Variants in NKAIN3 observed in about 807,000 individuals in gnomAD.
NKAIN3 encodes the protein sodium/potassium-transporting ATPase subunit beta-1-interacting protein 3.
In NKAIN3, 25 loss-of-function variants were observed where a neutral mutation model predicts 30.2. The ratio of observed to expected loss-of-function variants is 0.83; its 90% confidence interval spans 0.60 to 1.16. The LOEUF is 1.16. Ranked by LOEUF, NKAIN3 falls within the 50% of genes most tolerant of loss-of-function variation. The pLI is 0.00. For synonymous variants in NKAIN3, 91 were observed against 89.6 expected, an observed-to-expected ratio of 1.02 and a Z score of -0.09; for missense variants, 225 against 254.1, an observed-to-expected ratio of 0.89 and a Z score of 0.78.
intron 4 of NKAIN3, among the ~76,000 whole-genome samples, chr8:62,851,819 G>A (rs1331809546): frequency 6.6e-6 from 1 of 152,196 alleles, no homozygotes; most frequent in Non-Finnish European, 1.5e-5. Flanking sequence ...CTTGATCATG[G>A]TGGATAAGCT....
At chr8:62,620,505 A>AT (rs1811590151) in intron 3 of NKAIN3, among the ~76,000 whole-genome samples, 1 of 152,066 alleles carries the variant, frequency 6.6e-6, no homozygotes, top group Non-Finnish European at 1.5e-5. Flanking sequence ...TCAACCAACA[A>AT]TTTAAGAGAT....
intron 4 of NKAIN3, among the ~76,000 whole-genome samples, chr8:62,761,349 A>G (rs547900779): frequency 1.3e-4 from 19 of 151,636 alleles, no homozygotes; most frequent in Non-Finnish European, 2.2e-4. Flanking sequence ...GTGGGGGAGG[A>G]CGGGGGTGGA....
intron 1 of NKAIN3, among the ~76,000 whole-genome samples, chr8:62,489,037 T>C (rs1806988592): frequency 6.6e-6 from 1 of 152,176 alleles, no homozygotes; most frequent in South Asian, 2.1e-4. Flanking sequence ...TTTGTTTAAT[T>C]TGAAATTTTA....
chr8:62,972,021 T>C lies in NKAIN3; in HGVS notation c.*6614T>C, dbSNP rs987710040. Reference sequence around the variant, plus strand: ...AATCTAACATTTTGCTTGGTCCTCATTGTGCTGCCACAATAAATTAATTCT... The same window carrying C: ...AATCTAACATTTTGCTTGGTCCTCACTGTGCTGCCACAATAAATTAATTCT... On this transcript the variant is annotated 3_prime_UTR_variant, in exon 7 of 7. Transcript: ENST00000623646. Among the ~76,000 whole-genome samples, 5 of 152,204 alleles carry C rather than the reference T, an allele frequency of 3.3e-5. No homozygotes were observed. The highest frequency in any genetic ancestry group is 1.2e-4 in the African/African-American group (5 of 41,454).
At chr8:62,616,520 T>C (rs1811459345) in intron 3 of NKAIN3, among the ~76,000 whole-genome samples, 1 of 152,192 alleles carries the variant, frequency 6.6e-6, no homozygotes, top group African/African-American at 2.4e-5. Context: ...CTCTTGCCAG[T>C]GTACCACGGG....
intron 3 of NKAIN3, among the ~76,000 whole-genome samples, chr8:62,738,289 G>GT (rs1376851664): frequency 6.6e-6 from 1 of 152,172 alleles, no homozygotes; most frequent in East Asian, 1.9e-4. Context: ...ATTTCCATGT[G>GT]TTTTTTGGCC....
At chr8:62,500,522 A>G (rs1169909468) in intron 1 of NKAIN3, among the ~76,000 whole-genome samples, 2 of 140,218 alleles carry the variant, frequency 1.4e-5, no homozygotes, top group African/African-American at 2.7e-5. Flanking sequence ...AGAAAGAAAG[A>G]GTGAGGGAGG....
intron 4 of NKAIN3, among the ~76,000 whole-genome samples, chr8:62,910,879 C>T (rs185849238): frequency 2.6e-5 from 4 of 151,996 alleles, no homozygotes; most frequent in African/African-American, 7.2e-5. Context: ...TCTCAAGAGA[C>T]GTTCTCATCA....
chr8:62,943,834 A>G lies in NKAIN3; in HGVS notation c.533-10068A>G, dbSNP rs188962233. Among the ~76,000 whole-genome samples, 5 of 149,874 alleles carry G rather than the reference A, an allele frequency of 3.3e-5. No individual in the cohort carries two copies. The East Asian group carries it at 7.8e-4, about 23-fold the overall frequency. On this transcript the variant is annotated intron_variant, in intron 5 of 6. Transcript: ENST00000623646. ...AATATATATATATACACCATGGACT[A>G]TTACTCAGCCATTAGAGGGAACAAA... is the stretch of plus-strand genomic sequence containing the variant.
chr8:62,303,892 A>G (rs1814135708), intron 1 of NKAIN3, among the ~76,000 whole-genome samples: 2 of 150,532 alleles, frequency 1.3e-5, no homozygotes, highest in African/African-American at 5.0e-5. Context: ...TTACAGTACT[A>G]TAAGTTTAAT....
At chr8:62,444,973 G>A (rs1805436283) in intron 1 of NKAIN3, among the ~76,000 whole-genome samples, 1 of 151,808 alleles carries the variant, frequency 6.6e-6, no homozygotes, top group Admixed American at 6.6e-5. Context: ...TTTTGACAGA[G>A]TCTCGCTCTG....
intron 3 of NKAIN3, among the ~76,000 whole-genome samples, chr8:62,670,826 A>T (rs1400993249): frequency 6.6e-6 from 1 of 151,636 alleles, no homozygotes; most frequent in Admixed American, 6.6e-5. Flanking sequence ...GGTCCAAAAC[A>T]AGTTAAAGTA....
intron 6 of NKAIN3, among the ~76,000 whole-genome samples, chr8:62,955,916 A>G (rs542224323): frequency 6.6e-5 from 10 of 152,246 alleles, no homozygotes; most frequent in Non-Finnish European, 1.3e-4. Flanking sequence ...ATAAACTACA[A>G]GCTATTCTCT....
rs752178766 is a variant in NKAIN3 at position 62,971,969 on chromosome 8, T to C, written c.*6562T>C. 3.4e-4 allele frequency among the ~76,000 whole-genome samples: 51 copies of C among 152,236 alleles called. No individual in the cohort carries two copies. The highest frequency in any genetic ancestry group is 6.3e-4 in the Non-Finnish European group (43 of 68,046). On this transcript the variant is annotated 3_prime_UTR_variant, in exon 7 of 7. Transcript: ENST00000623646. Reference sequence around the variant, plus strand: ...GCAGACAGGTTTAGCTTTTCTTCTCTAGAATTGAGTTTAAAATTCTAGAGC... The same window carrying C: ...GCAGACAGGTTTAGCTTTTCTTCTCCAGAATTGAGTTTAAAATTCTAGAGC...
chr8:62,408,622 T>A (rs1804147991), intron 1 of NKAIN3, among the ~76,000 whole-genome samples: 1 of 152,184 alleles, frequency 6.6e-6, no homozygotes, highest in Admixed American at 6.5e-5. Flanking sequence ...GAAGTAGAGG[T>A]GATTCGTGTC....
chr8:62,385,190 C>T (rs1817388438), intron 1 of NKAIN3, among the ~76,000 whole-genome samples: 1 of 152,134 alleles, frequency 6.6e-6, no homozygotes, highest in Admixed American at 6.6e-5. Flanking sequence ...TAATCATTGT[C>T]TTTACCATAA....
intron 4 of NKAIN3, among the ~76,000 whole-genome samples, chr8:62,883,535 C>A (rs996568637): frequency 7.4e-6 from 1 of 134,874 alleles, no homozygotes; most frequent in Non-Finnish European, 1.5e-5. Flanking sequence ...TTCTCTGTTC[C>A]TAATACCTCT....
At chr8:62,287,694 A>T (rs1813425716) in intron 1 of NKAIN3, among the ~76,000 whole-genome samples, 1 of 152,080 alleles carries the variant, frequency 6.6e-6, no homozygotes, top group African/African-American at 2.4e-5. Flanking sequence ...TCATTTATCA[A>T]GATTTGATCT....
chr8:62,369,821 G>T (rs1816852901), intron 1 of NKAIN3, among the ~76,000 whole-genome samples: 1 of 151,474 alleles, frequency 6.6e-6, no homozygotes, highest in Non-Finnish European at 1.5e-5. Flanking sequence ...TCCAGGTTCT[G>T]CCTATCTCAC....
Sources: allele counts gnomAD v4.1 joint callset (sites outside exome capture counted in the v4.1 genomes callset), GRCh38; gene constraint gnomAD v4.1.1; transcripts MANE v1.5; gene names NCBI Gene and HGNC (gene_info 2026-07-23, HGNC 2026-07-21).